The following CCNY variants were observed in gnomAD, a reference collection of about 807,000 sequenced individuals.
CCNY encodes the protein cyclin Y.
CCNY carries 19 observed loss-of-function variants against 42.8 expected under a neutral mutation model. That is an observed-to-expected ratio of 0.44 (90% CI 0.31 to 0.65). The LOEUF (loss-of-function observed/expected upper bound fraction) is 0.65. Ranked by LOEUF, CCNY falls within the 30% of genes least tolerant of loss-of-function variation. The pLI, the probability that CCNY is intolerant of heterozygous loss-of-function variation, is 0.07. For synonymous variants in CCNY, 165 were observed against 162.7 expected, an observed-to-expected ratio of 1.01 and a Z score of -0.11; for missense variants, 370 against 437.3, an observed-to-expected ratio of 0.85 and a Z score of 1.37.
chr10:35,476,225 C>A (rs564653354), intron 1 of CCNY, among the ~76,000 whole-genome samples: 1 of 152,136 alleles, frequency 6.6e-6, no homozygotes. Flanking sequence ...GACAGATCAA[C>A]GAGACAGAAA....
chr10:35,371,719 A>G (rs1187192925), intron 1 of CCNY, among the ~76,000 whole-genome samples: 5 of 152,142 alleles, frequency 3.3e-5, no homozygotes, highest in Non-Finnish European at 7.4e-5. Flanking sequence ...GCCCTGGGCC[A>G]TGTGGCACTT....
chr10:35,283,975 T>A (rs1377093888), intron 3 of CCNY, among the ~76,000 whole-genome samples: 2 of 151,894 alleles, frequency 1.3e-5, no homozygotes, highest in Non-Finnish European at 2.9e-5. Flanking sequence ...TCCCAGCTAC[T>A]TGGGAGGCTG....
At chr10:35,501,370 GATAA>G in intron 2 of CCNY, 127 bp from the exon 3 acceptor site, 1 of 727,792 alleles carries the variant, frequency 1.4e-6, no homozygotes. Flanking sequence ...TCTTATGTTT[GATAA>G]ATGAGCAAGT....
intron 3 of CCNY, among the ~76,000 whole-genome samples, chr10:35,308,309 T>C (rs1443666066): frequency 6.6e-6 from 1 of 151,682 alleles, no homozygotes; most frequent in African/African-American, 2.4e-5. Flanking sequence ...TCCCAGCACT[T>C]TGGGAGGCCA....
At chr10:35,403,104 G>C (rs1026797037) in intron 1 of CCNY, among the ~76,000 whole-genome samples, 3 of 141,052 alleles carry the variant, frequency 2.1e-5, no homozygotes, top group African/African-American at 7.7e-5. Context: ...GAAAATCCCT[G>C]AGCTTGATGT....
chr10:35,423,693 CAAG>C (rs1463590399), intron 1 of CCNY, among the ~76,000 whole-genome samples: 2 of 152,000 alleles, frequency 1.3e-5, no homozygotes. Context: ...ACCTTTTGTC[CAAG>C]AAGAACTTTG....
Position 35,433,828 on chromosome 10 carries a change from C to T in CCNY, c.155-49576C>T, listed in dbSNP as rs186579077. Among the ~76,000 whole-genome samples the T allele has an allele frequency of 4.6e-5, 7 of 152,288 alleles. No individual in the cohort carries two copies. The East Asian group carries it at 7.7e-4, about 17-fold the overall frequency. On this transcript the variant is annotated intron_variant, in intron 1 of 9. Coordinates refer to ENST00000374704, the MANE Select transcript of CCNY (RefSeq NM_145012.6). ...TTCACCATGTTGGCCAGGCTGGTCT[C>T]GAACTCCTGACCTCAGGTGATCCTT... is the stretch of plus-strand genomic sequence containing the variant.
At chr10:35,429,742 C>T (rs533860556) in intron 1 of CCNY, among the ~76,000 whole-genome samples, 2 of 152,292 alleles carry the variant, frequency 1.3e-5, no homozygotes, top group African/African-American at 4.8e-5. Flanking sequence ...ATTGCAAACT[C>T]TTCTAGGTAT....
At position 35,570,722 on chromosome 10, in the gene CCNY, A is replaced by G. The variant is rs937804216; in HGVS notation, c.*1552A>G. 6.6e-6 allele frequency: 1 copy of G among 152,324 alleles called. No individual in the cohort carries two copies. The highest frequency in any genetic ancestry group is 2.4e-5 in the African/African-American group (1 of 41,454). The allele number at this position is 152,324 out of a possible 1,614,324, so 9.4% of individuals were successfully genotyped here. A position where few individuals can be genotyped will look rare whatever the true frequency, so the allele number is the denominator to read the frequency against. ...ACTTTGGCATCTTAATTAGTCTTGA[A>G]TCATACACCTGATCCCCAAACATTG... is the stretch of plus-strand genomic sequence containing the variant. On this transcript the variant is annotated 3_prime_UTR_variant, in exon 10 of 10. Coordinates refer to ENST00000374704, the MANE Select transcript of CCNY (RefSeq NM_145012.6).
intron 3 of CCNY, among the ~76,000 whole-genome samples, chr10:35,267,187 A>G (rs1190605711): frequency 6.6e-6 from 1 of 151,772 alleles, no homozygotes; most frequent in East Asian, 1.9e-4. Context: ...GTGCTCCTGT[A>G]ATCCCTCCGC....
chr10:35,555,880 A>G (rs1335871054), intron 8 of CCNY, among the ~76,000 whole-genome samples: 1 of 152,220 alleles, frequency 6.6e-6, no homozygotes, highest in Non-Finnish European at 1.5e-5. Flanking sequence ...TTAAAAAATT[A>G]TACATTATAA....
intron 3 of CCNY, among the ~76,000 whole-genome samples, chr10:35,510,033 GC>G (rs1230383076): frequency 6.6e-6 from 1 of 152,042 alleles, no homozygotes; most frequent in Non-Finnish European, 1.5e-5. Flanking sequence ...AGTGCAAGTG[GC>G]CAGTTCTCTG....
At chr10:35,374,360 C>T (rs1207351771) in intron 1 of CCNY, among the ~76,000 whole-genome samples, 1 of 152,158 alleles carries the variant, frequency 6.6e-6, no homozygotes, top group Non-Finnish European at 1.5e-5. Flanking sequence ...TCATAGGAAA[C>T]AGGAAAAGAA....
intron 1 of CCNY, among the ~76,000 whole-genome samples, chr10:35,379,046 G>A (rs987315046): frequency 2.0e-5 from 3 of 152,184 alleles, no homozygotes; most frequent in Non-Finnish European, 4.4e-5. Context: ...TTTACTTTGG[G>A]AAATGCTGTT....
intron 1 of CCNY, among the ~76,000 whole-genome samples, chr10:35,438,622 C>T (rs774156556): frequency 4.6e-5 from 7 of 152,060 alleles, no homozygotes; most frequent in Non-Finnish European, 1.0e-4. Context: ...ATGTAATTGT[C>T]GTAAATGTTT....
intron 1 of CCNY, among the ~76,000 whole-genome samples, chr10:35,436,296 T>G (rs554128139): frequency 6.6e-6 from 1 of 152,364 alleles, no homozygotes; most frequent in Admixed American, 6.5e-5. Flanking sequence ...CTGATCCTTA[T>G]GGGTCCCCCA....
intron 1 of CCNY, among the ~76,000 whole-genome samples, chr10:35,477,871 T>C (rs1367295967): frequency 1.3e-5 from 2 of 149,986 alleles, no homozygotes; most frequent in African/African-American, 4.9e-5. Flanking sequence ...GATGACATGA[T>C]TGTATATCTA....
chr10:35,535,549 C>A (rs925054139), intron 7 of CCNY, among the ~76,000 whole-genome samples: 1 of 152,016 alleles, frequency 6.6e-6, no homozygotes, highest in African/African-American at 2.4e-5. Flanking sequence ...TATACATATA[C>A]GTATATGTAT....
chr10:35,285,806 G>GTGTCTT (rs1565064264), intron 3 of CCNY, among the ~76,000 whole-genome samples: 1 of 150,894 alleles, frequency 6.6e-6, no homozygotes, highest in African/African-American at 2.4e-5. Context: ...TTGGATTTAG[G>GTGTCTT]TGTTTTTGTT....
Sources: allele counts gnomAD v4.1 joint callset (sites outside exome capture counted in the v4.1 genomes callset), GRCh38; gene constraint gnomAD v4.1.1; transcripts MANE v1.5; gene names NCBI Gene and HGNC (gene_info 2026-07-23, HGNC 2026-07-21).